The following AURKA variants were observed in gnomAD, a reference collection of about 807,000 sequenced individuals.
AURKA encodes the protein aurora 2.
In AURKA, 12 loss-of-function variants were observed where a neutral mutation model predicts 40.9. The ratio of observed to expected loss-of-function variants is 0.29; its 90% CI spans 0.19 to 0.48. The LOEUF is 0.48. Ranked by LOEUF, AURKA falls within the 20% of genes least tolerant of loss-of-function variation. The pLI, the probability that AURKA is intolerant of heterozygous loss-of-function variation, is 0.99. For synonymous variants in AURKA, 170 were observed against 164.3 expected (o/e 1.03, Z -0.26); for missense variants, 322 against 462.1 (o/e 0.70, Z 2.78).
chr20:56,386,378 G>A lies in AURKA; in HGVS notation c.198C>T (p.Ser66=), dbSNP rs752713784. 1.9e-6 allele frequency: 3 copies of A among 1,614,124 alleles called. No individual in the cohort carries two copies. The highest frequency in any genetic ancestry group is 2.5e-6 in the Non-Finnish European group (3 of 1,180,016). Residue 66 remains serine (S), a synonymous_variant, in exon 3 of 9, where the codon TCC becomes TCT. Transcript: ENST00000395915. The part of the protein sequence containing the change: ...RIPLQAQKLV[S]SHKPVQNQKQ... ...TCTGATTCTGAACCGGCTTGTGACT[G>A]GAGACAAGCTTTTGTGCTTGCAAAG...
In AURKA at chr20:56,384,756, AAC is replaced by A. The variant is rs536468830; in HGVS notation, c.320-434_320-433del. Among the ~76,000 whole-genome samples the A allele has an allele frequency of 2.8e-4, 43 of 152,284 alleles. No individual in the cohort carries two copies. In the South Asian group the frequency reaches 8.7e-3, roughly 31 times the overall value. ...ACGAATTATCACCAACATGTAGCAAAACATAAGCCAGCCACCCTCCATTTATA... is the reference window on the plus strand; with the variant it reads ...ACGAATTATCACCAACATGTAGCAAAATAAGCCAGCCACCCTCCATTTATA... On this transcript the variant is annotated intron_variant, in intron 3 of 8. Coordinates refer to ENST00000395915, the MANE Select transcript of AURKA (RefSeq NM_198437.3).
intron 5 of AURKA, 31 bp from the exon 6 acceptor site, chr20:56,381,602 G>T: frequency 6.2e-7 from 1 of 1,611,626 alleles, no homozygotes; most frequent in South Asian, 1.1e-5. Context: ...TCTAACACTT[G>T]GTTTGGAGCT....
At chr20:56,381,805 T>C (rs1382776427) in intron 5 of AURKA, among the ~76,000 whole-genome samples, 1 of 152,204 alleles carries the variant, frequency 6.6e-6, no homozygotes, top group Admixed American at 6.5e-5. Flanking sequence ...TTAAGACTAT[T>C]TCCTTCCTTT....
chr20:56,370,555 T>A lies in AURKA; in HGVS notation c.959A>T (p.Tyr320Phe). The A allele has an allele frequency of 1.9e-6, 3 of 1,614,208 alleles. No individual in the cohort carries two copies. Among genetic ancestry groups the A allele is most frequent in the Non-Finnish European group, 2.5e-6 (3 of 1,180,030 alleles). The change falls in exon 8 of 9, where the codon TAT becomes TTT. Residue 320 changes from tyrosine to phenylalanine, a missense_variant. Transcript: ENST00000395915. ...VDLWSLGVLC[Y>F]EFLVGKPPFE... The stretch of plus-strand genomic sequence containing the variant: ...AGGAGGCTTCCCAACTAAAAATTCA[T>A]AGCAAAGAACTCCAAGGCTCCAGAG...
At chr20:56,389,616 T>C (rs928825586) in intron 1 of AURKA, among the ~76,000 whole-genome samples, 1 of 152,158 alleles carries the variant, frequency 6.6e-6, no homozygotes, top group African/African-American at 2.4e-5. Context: ...ATCTACATTT[T>C]CTACTTTCTA....
At chr20:56,370,936 T>C (rs1057501014) in intron 7 of AURKA, among the ~76,000 whole-genome samples, 7 of 152,200 alleles carry the variant, frequency 4.6e-5, no homozygotes. Context: ...CACTACCATA[T>C]AAAAGCTGCC....
chr20:56,370,727 A>G (rs10485805), intron 7 of AURKA, 68 bp from the exon 8 acceptor site: 394,875 of 1,562,218 alleles, frequency 0.25, 59,528 homozygotes, highest in East Asian at 0.76. Context: ...GCTAACAATC[A>G]TTAAAGAGTC....
rs778586423 is a variant in AURKA, at chr20:56,370,266, G to C, written c.1104C>G (p.Pro368=). Residue 368 remains proline (P), a synonymous_variant, in exon 9 of 9, where the codon CCC becomes CCG. Transcript: ENST00000395915. Reference sequence around the variant, plus strand: ...CTTCTCTGAGCATTGGCCTCTGGCTGGGATTATGCTTCAACAGTCTTGAAA... The same window carrying C: ...CTTCTCTGAGCATTGGCCTCTGGCTCGGATTATGCTTCAACAGTCTTGAAA... ...DLISRLLKHN[P]SQRPMLREVL... 3 of 1,614,070 alleles carry C rather than the reference G, an allele frequency of 1.9e-6. No homozygotes were observed. The highest frequency in any genetic ancestry group is 2.5e-6 in the Non-Finnish European group (3 of 1,180,048).
At chr20:56,382,780 A>G (rs1985885318) in intron 5 of AURKA, among the ~76,000 whole-genome samples, 1 of 151,980 alleles carries the variant, frequency 6.6e-6, no homozygotes, top group South Asian at 2.1e-4. Context: ...GAATCACAGG[A>G]GAATGCTTAT....
rs112721980 is a variant in AURKA at position 56,390,309 on chromosome 20, CT to C, written c.-6+1858del. On this transcript the variant is annotated intron_variant, in intron 1 of 8. Transcript: ENST00000395915. ...TCAGTCTTTCATTTCACTGAGGTTT[CT>C]TTTTTTTTTTTTTTGAGATAGAGTT... Among the ~76,000 whole-genome samples the C allele has an allele frequency of 9.2e-3, 1,292 of 140,114 alleles. 10 individuals carry two copies. Among genetic ancestry groups the C allele is most frequent in the African/African-American group, 0.015 (590 of 38,158 alleles). 91.9% of individuals were successfully genotyped at this position (140,114 alleles called of 152,430 possible). A position where few individuals can be genotyped will look rare whatever the true frequency, so the allele number is the denominator to read the frequency against.
At chr20:56,386,685 C>T in intron 2 of AURKA, 152 bp from the exon 3 acceptor site, 1 of 845,606 alleles carries the variant, frequency 1.2e-6, no homozygotes, top group Non-Finnish European at 1.9e-6. Context: ...ATCAGTACCT[C>T]CAGAGGATAG....
chr20:56,380,360 G>GAAAA (rs58953054), intron 6 of AURKA, among the ~76,000 whole-genome samples: 1 of 120,000 alleles, frequency 8.3e-6, no homozygotes, highest in Non-Finnish European at 1.7e-5. Flanking sequence ...GTCTCAAAAA[G>GAAAA]AAAAAAAAAA....
intron 3 of AURKA, among the ~76,000 whole-genome samples, chr20:56,385,976 C>T (rs1156309170): frequency 6.6e-6 from 1 of 152,202 alleles, no homozygotes; most frequent in Non-Finnish European, 1.5e-5. Flanking sequence ...AAGCACCCTA[C>T]ATCCAGACTC....
chr20:56,370,410 A>C, intron 8 of AURKA, 70 bp from the exon 9 acceptor site: 1 of 1,613,820 alleles, frequency 6.2e-7, no homozygotes, highest in Non-Finnish European at 8.5e-7. Flanking sequence ...AGATGTTCGG[A>C]TCTTGGCCTG....
At chr20:56,385,843 G>A (rs1460653280) in intron 3 of AURKA, among the ~76,000 whole-genome samples, 1 of 152,124 alleles carries the variant, frequency 6.6e-6, no homozygotes. Context: ...CTAGAGATGA[G>A]GCCCCATTCC....
chr20:56,380,360 G>GAAAAAAAAAAAAAAAAAAAAA (rs58953054), intron 6 of AURKA, among the ~76,000 whole-genome samples: 1 of 120,000 alleles, frequency 8.3e-6, no homozygotes. Flanking sequence ...GTCTCAAAAA[G>GAAAAAAAAAAAAAAAAAAAAA]AAAAAAAAAA....
chr20:56,370,706 T>C (rs1372630874), intron 7 of AURKA, 47 bp from the exon 8 acceptor site: 1 of 1,602,472 alleles, frequency 6.2e-7, no homozygotes, highest in Non-Finnish European at 8.5e-7. Context: ...CGTTTTATGA[T>C]CACAACAGCT....
At chr20:56,378,027 C>T (rs1253000230) in intron 6 of AURKA, among the ~76,000 whole-genome samples, 1 of 152,108 alleles carries the variant, frequency 6.6e-6, no homozygotes, top group East Asian at 1.9e-4. Context: ...ATTAGCCAGG[C>T]ACGAGAGCAC....
rs185777680 is a variant in AURKA at position 56,389,824 on chromosome 20, A to G, written c.-5-1622T>C. Among the ~76,000 whole-genome samples, 7 of 152,308 alleles carry G rather than the reference A, an allele frequency of 4.6e-5. No individual in the cohort carries two copies. In the East Asian group the frequency reaches 1.2e-3, roughly 25 times the overall value. ...AACCCTTTACGAGGTTCTCTCTCGCAAACCCTTCATTTAATCCACCAGCAT... is the reference window on the plus strand; with the variant it reads ...AACCCTTTACGAGGTTCTCTCTCGCGAACCCTTCATTTAATCCACCAGCAT... On this transcript the variant is annotated intron_variant, in intron 1 of 8. Transcript: ENST00000395915.
Sources: gnomAD v4.1 joint callset for allele counts (sites outside exome capture counted in the v4.1 genomes callset) on GRCh38, gnomAD v4.1.1 for gene constraint, MANE v1.5 for transcripts, NCBI Gene and HGNC (gene_info 2026-07-23, HGNC 2026-07-21) for gene names.